GRID1: variants seen among roughly 807,000 people sequenced by gnomAD.
GRID1 encodes the protein glutamate ionotropic receptor delta type subunit 1, also known as glutamate receptor ionotropic, delta-1.
GRID1 carries 28 observed loss-of-function variants against 98.0 expected under a neutral mutation model. The observed-to-expected ratio is 0.29, with a 90% CI of 0.21 to 0.39. The LOEUF (loss-of-function observed/expected upper bound fraction) is 0.39. GRID1 is among the 10% of genes least tolerant of loss of function. The pLI is 1.00. For missense variants in GRID1, 1,111 were observed against 1,340.5 expected, an observed-to-expected ratio of 0.83 and a Z score of 2.67; for synonymous variants, 553 against 538.5, an observed-to-expected ratio of 1.03 and a Z score of -0.37.
chr10:86,012,301 T>C (rs924164344), intron 4 of GRID1, among the ~76,000 whole-genome samples: 14 of 151,998 alleles, frequency 9.2e-5, no homozygotes, highest in African/African-American at 3.4e-4. Flanking sequence ...TCAACTGCAG[T>C]TGAAACTAGT....
intron 4 of GRID1, among the ~76,000 whole-genome samples, chr10:86,132,256 T>C (rs1589382377): frequency 6.6e-6 from 1 of 152,140 alleles, no homozygotes; most frequent in African/African-American, 2.4e-5. Context: ...CAGAGCCATG[T>C]AGAGCCTCAA....
chr10:86,174,970 A>G (rs1845553240), intron 3 of GRID1, among the ~76,000 whole-genome samples: 2 of 152,144 alleles, frequency 1.3e-5, no homozygotes, highest in Non-Finnish European at 2.9e-5. Flanking sequence ...TAGAATGGCA[A>G]TCATTAAAAA....
intron 3 of GRID1, among the ~76,000 whole-genome samples, chr10:86,186,607 C>A (rs191991734): frequency 6.6e-6 from 1 of 152,188 alleles, no homozygotes; most frequent in Non-Finnish European, 1.5e-5. Flanking sequence ...AGTTCAATAG[C>A]CTGCCTGAAC....
intron 2 of GRID1, among the ~76,000 whole-genome samples, chr10:86,293,508 T>C (rs1359953246): frequency 2.0e-5 from 3 of 152,172 alleles, no homozygotes; most frequent in African/African-American, 7.2e-5. Flanking sequence ...GCAGAGCCAT[T>C]TACATGTTAA....
intron 8 of GRID1, among the ~76,000 whole-genome samples, chr10:85,775,667 C>T (rs1842323761): frequency 6.6e-6 from 1 of 151,984 alleles, no homozygotes; most frequent in South Asian, 2.1e-4. Context: ...GAAACCTGCA[C>T]CTATACCCCC....
chr10:85,648,934 C>A (rs1049053017), intron 12 of GRID1, among the ~76,000 whole-genome samples: 4 of 152,224 alleles, frequency 2.6e-5, no homozygotes, highest in Non-Finnish European at 1.5e-5. Flanking sequence ...GTCTGTCCCC[C>A]ACAACCAACA....
intron 5 of GRID1, among the ~76,000 whole-genome samples, chr10:85,882,830 C>A (rs1438138597): frequency 6.6e-6 from 1 of 151,702 alleles, no homozygotes; most frequent in Non-Finnish European, 1.5e-5. Context: ...AGATGATATG[C>A]CTTTTCTGTT....
chr10:85,702,113 T>C (rs1590195964), intron 12 of GRID1, among the ~76,000 whole-genome samples: 3 of 152,244 alleles, frequency 2.0e-5, no homozygotes, highest in Middle Eastern at 6.8e-3. Flanking sequence ...GAAAAGCATA[T>C]GCTAAGGAAA....
chr10:86,068,092 C>T (rs1055481168), intron 4 of GRID1, among the ~76,000 whole-genome samples: 3 of 152,212 alleles, frequency 2.0e-5, no homozygotes, highest in Non-Finnish European at 4.4e-5. Flanking sequence ...ATTTCACTAA[C>T]GTTCCTCAGC....
chr10:85,765,173 C>G (rs1227949451), intron 8 of GRID1, among the ~76,000 whole-genome samples: 1 of 152,102 alleles, frequency 6.6e-6, no homozygotes, highest in Non-Finnish European at 1.5e-5. Flanking sequence ...AGTTGAATAA[C>G]TAGTCCATGG....
At chr10:85,808,766 A>C (rs947116541) in intron 8 of GRID1, among the ~76,000 whole-genome samples, 1 of 152,208 alleles carries the variant, frequency 6.6e-6, no homozygotes, top group Non-Finnish European at 1.5e-5. Context: ...ATAATCAGAC[A>C]AAACTAACAT....
At chr10:86,352,566 G>C (rs10887584) in intron 2 of GRID1, among the ~76,000 whole-genome samples, 1 of 151,788 alleles carries the variant, frequency 6.6e-6, no homozygotes, top group Non-Finnish European at 1.5e-5. Context: ...CAAGCTCTCC[G>C]GTGTCTCTTC....
chr10:85,744,159 T>C (rs79693844), intron 8 of GRID1, among the ~76,000 whole-genome samples: 4,989 of 152,244 alleles, frequency 0.033, 126 homozygotes, highest in Middle Eastern at 0.048. Context: ...ATATTTAAAA[T>C]GCTGCCTTGA....
chr10:85,714,359 C>G (rs1841615180), intron 12 of GRID1, among the ~76,000 whole-genome samples: 1 of 151,828 alleles, frequency 6.6e-6, no homozygotes, highest in Non-Finnish European at 1.5e-5. Context: ...CCATGACATA[C>G]AGTTTATCTA....
intron 3 of GRID1, among the ~76,000 whole-genome samples, chr10:86,141,257 C>T (rs1227128070): frequency 6.6e-6 from 1 of 152,196 alleles, no homozygotes; most frequent in East Asian, 1.9e-4. Context: ...CCTTGGGGTT[C>T]CCAGAGAGGC....
chr10:86,358,336 A>T (rs1848559829), intron 2 of GRID1, among the ~76,000 whole-genome samples: 1 of 152,238 alleles, frequency 6.6e-6, no homozygotes, highest in African/African-American at 2.4e-5. Context: ...GGGCACAGAC[A>T]GGTGTGCCAA....
At chr10:85,845,101 C>T (rs946141775) in intron 8 of GRID1, among the ~76,000 whole-genome samples, 1 of 150,764 alleles carries the variant, frequency 6.6e-6, no homozygotes, top group African/African-American at 2.4e-5. Flanking sequence ...TGCAACAAGA[C>T]AGGAGAAAGA....
chr10:86,145,203 G>T (rs1589387068), intron 3 of GRID1, among the ~76,000 whole-genome samples: 1 of 152,104 alleles, frequency 6.6e-6, no homozygotes, highest in African/African-American at 2.4e-5. Flanking sequence ...AGACATTTTG[G>T]GTACCTAAGA....
intron 2 of GRID1, among the ~76,000 whole-genome samples, chr10:86,256,240 C>T (rs551142846): frequency 2.4e-4 from 37 of 152,298 alleles, no homozygotes; most frequent in African/African-American, 7.7e-4. Context: ...TCTCTGGCCA[C>T]GGCAGGGGCT....
Sources: gnomAD v4.1 joint callset for allele counts (sites outside exome capture counted in the v4.1 genomes callset) on GRCh38, gnomAD v4.1.1 for gene constraint, MANE v1.5 for transcripts, NCBI Gene and HGNC (gene_info 2026-07-23, HGNC 2026-07-21) for gene names.